The following ARID2 variants were observed in gnomAD, a reference collection of about 807,000 sequenced individuals.
The protein encoded by ARID2 is AT-rich interaction domain 2.
A neutral mutation model predicts 184.6 loss-of-function variants in ARID2; 32 were observed. The ratio of observed to expected loss-of-function variants is 0.17; its 90% CI spans 0.13 to 0.23. The LOEUF is 0.23. Ranked by LOEUF, ARID2 falls within the 10% of genes least tolerant of loss-of-function variation. ARID2 has a pLI of 1.00. For synonymous variants in ARID2, 836 were observed against 772.6 expected, an observed-to-expected ratio of 1.08 and a Z score of -1.36; for missense variants, 1,696 against 2,197.6, an observed-to-expected ratio of 0.77 and a Z score of 4.56.
chr12:45,849,497 T>C, intron 13 of ARID2, 83 bp from the exon 14 acceptor site: 1 of 1,101,142 alleles, frequency 9.1e-7, no homozygotes, highest in Non-Finnish European at 1.3e-6. Context: ...ACAGTAAACA[T>C]ACTGCTGTTG....
chr12:45,829,450 T>C (rs1943067844), intron 6 of ARID2, among the ~76,000 whole-genome samples: 1 of 152,022 alleles, frequency 6.6e-6, no homozygotes, highest in Non-Finnish European at 1.5e-5. Context: ...TAATCTTATT[T>C]TTCTGTCCTC....
At chr12:45,853,662 A>G (rs1259096577) in intron 15 of ARID2, among the ~76,000 whole-genome samples, 1 of 152,168 alleles carries the variant, frequency 6.6e-6, no homozygotes, top group Non-Finnish European at 1.5e-5. Flanking sequence ...AGTCGTCACC[A>G]CCTGTTTCCT....
intron 3 of ARID2, among the ~76,000 whole-genome samples, chr12:45,733,528 A>G (rs560146959): frequency 6.6e-6 from 1 of 152,338 alleles, no homozygotes; most frequent in Admixed American, 6.5e-5. Context: ...TTACAAGTGG[A>G]ATAATTTTTT....
At chr12:45,819,317 A>G (rs1942856345) in intron 5 of ARID2, among the ~76,000 whole-genome samples, 1 of 152,164 alleles carries the variant, frequency 6.6e-6, no homozygotes, top group Non-Finnish European at 1.5e-5. Flanking sequence ...AGACTAAATT[A>G]TTGTGTAGTA....
At chr12:45,787,090 G>T (rs1315284801) in intron 3 of ARID2, among the ~76,000 whole-genome samples, 1 of 152,032 alleles carries the variant, frequency 6.6e-6, no homozygotes, top group African/African-American at 2.4e-5. Flanking sequence ...ATTATGTATT[G>T]TATACTTGAA....
At chr12:45,896,272 T>C (rs1944366671) in intron 20 of ARID2, among the ~76,000 whole-genome samples, 1 of 152,182 alleles carries the variant, frequency 6.6e-6, no homozygotes, top group African/African-American at 2.4e-5. Flanking sequence ...AAGGATTCCC[T>C]GTATGCCCAG....
chr12:45,755,485 A>G lies in ARID2; in HGVS notation c.284+24171A>G, dbSNP rs148919187. On this transcript the variant is annotated intron_variant, in intron 3 of 20. Transcript: ENST00000334344. ...CAGAAAGTACTTCAGAATCTGTGGT[A>G]TCTTTAGGCTTATCGTTGTAAGTAT... 2.3e-3 allele frequency among the ~76,000 whole-genome samples: 346 copies of G among 152,348 alleles called. 3 individuals carry two copies. Among genetic ancestry groups the G allele is most frequent in the African/African-American group, 7.6e-3 (315 of 41,578 alleles).
chr12:45,838,788 GATAGAT>G (rs754419777), intron 10 of ARID2, among the ~76,000 whole-genome samples: 2 of 150,844 alleles, frequency 1.3e-5, no homozygotes, highest in African/African-American at 4.9e-5. Flanking sequence ...TAGATAGATA[GATAGAT>G]ATAGATATAG....
At chr12:45,818,055 A>C (rs1942838650) in intron 5 of ARID2, among the ~76,000 whole-genome samples, 167 bp downstream of exon 5, 1 of 152,090 alleles carries the variant, frequency 6.6e-6, no homozygotes, top group Non-Finnish European at 1.5e-5. Context: ...TTTTAACCTT[A>C]AATATTTGAA....
Position 45,891,912 on chromosome 12 carries a change from C to T in ARID2, c.5055C>T (p.His1685=), listed in dbSNP as rs1944306384. Residue 1685 remains histidine, a synonymous_variant, in exon 17 of 21, where the codon CAC becomes CAT. Transcript: ENST00000334344. ...GACAGCGGTTTTCTTTTATTACCCACTTGCAGGTACACTTTTTAAATACTA... is the reference window on the plus strand; with the variant it reads ...GACAGCGGTTTTCTTTTATTACCCATTTGCAGGTACACTTTTTAAATACTA... The part of the protein sequence containing the change: ...FQRQRFSFIT[H]LQDKHCSKDA... 1.2e-6 allele frequency: 2 copies of T among 1,614,134 alleles called. No homozygotes were observed. Among genetic ancestry groups the T allele is most frequent in the Middle Eastern group, 1.6e-4 (1 of 6,062 alleles).
chr12:45,762,987 A>T (rs1271425683), intron 3 of ARID2, among the ~76,000 whole-genome samples: 1 of 152,178 alleles, frequency 6.6e-6, no homozygotes, highest in Non-Finnish European at 1.5e-5. Context: ...AACAGCTACT[A>T]TTTATTGGGT....
At chr12:45,848,790 T>G (rs2138153752) in intron 12 of ARID2, 46 bp from the exon 13 acceptor site, 2 of 1,486,178 alleles carry the variant, frequency 1.3e-6, no homozygotes, top group South Asian at 1.4e-5. Context: ...AAATATGGAG[T>G]TTCCTAGAGT....
chr12:45,881,521 T>C, intron 16 of ARID2: 1 of 153,308 alleles, frequency 6.5e-6, no homozygotes, highest in Non-Finnish European at 1.5e-5. Context: ...CCATCGCATA[T>C]TGCGATGTAT....
chr12:45,777,804 A>G (rs1374686477), intron 3 of ARID2, among the ~76,000 whole-genome samples: 1 of 147,762 alleles, frequency 6.8e-6, no homozygotes, highest in Non-Finnish European at 1.5e-5. Flanking sequence ...ATAAATATAT[A>G]TTTTATTTTT....
intron 3 of ARID2, among the ~76,000 whole-genome samples, chr12:45,743,743 A>G (rs1024178268): frequency 3.3e-5 from 5 of 152,198 alleles, no homozygotes; most frequent in African/African-American, 4.8e-5. Flanking sequence ...GAGTTGACCT[A>G]TCAAAGAGCA....
intron 15 of ARID2, among the ~76,000 whole-genome samples, chr12:45,859,091 C>T (rs186661012): frequency 7.4e-4 from 113 of 152,254 alleles, no homozygotes; most frequent in African/African-American, 2.6e-3. Flanking sequence ...TCTAAGTTCT[C>T]AGCAATTTTA....
At chr12:45,856,694 A>T (rs1374264686) in intron 15 of ARID2, among the ~76,000 whole-genome samples, 1 of 152,088 alleles carries the variant, frequency 6.6e-6, no homozygotes, top group African/African-American at 2.4e-5. Context: ...GTTTCTTCCA[A>T]CCTCCATTAA....
chr12:45,800,773 G>A (rs868700903), intron 3 of ARID2, among the ~76,000 whole-genome samples: 18 of 151,910 alleles, frequency 1.2e-4, no homozygotes, highest in Admixed American at 3.3e-4. Context: ...AAAATGATAA[G>A]GACACATCAA....
At chr12:45,842,278 TACAC>T (rs1023916174) in intron 11 of ARID2, 17 of 150,196 alleles carry the variant, frequency 1.1e-4, no homozygotes, top group Middle Eastern at 3.5e-3. Flanking sequence ...TATATACACA[TACAC>T]ACACATATGT....
Sources: gnomAD v4.1 joint callset for allele counts (sites outside exome capture counted in the v4.1 genomes callset) on GRCh38, gnomAD v4.1.1 for gene constraint, MANE v1.5 for transcripts, NCBI Gene and HGNC (gene_info 2026-07-23, HGNC 2026-07-21) for gene names.